EPHX2: variants seen among roughly 807,000 people sequenced by gnomAD.
EPHX2 encodes the protein bifunctional epoxide hydrolase 2.
Under a neutral mutation model 78.7 loss-of-function variants are expected in EPHX2, and 74 were observed. That is an observed-to-expected ratio of 0.94 (90% CI 0.78 to 1.14). The LOEUF is 1.14. EPHX2 is among the 50% of genes most tolerant of loss of function. EPHX2 has a pLI of 0.00. For synonymous variants in EPHX2, 251 were observed against 255.2 expected, an observed-to-expected ratio of 0.98 and a Z score of 0.16; for missense variants, 715 against 702.5, an observed-to-expected ratio of 1.02 and a Z score of -0.20.
At chr8:27,525,292 A>C in intron 11 of EPHX2, 70 bp from the exon 12 acceptor site, 1 of 1,433,796 alleles carries the variant, frequency 7.0e-7, no homozygotes, top group South Asian at 1.2e-5. Flanking sequence ...TTGAACTGCA[A>C]AGTCCTTTCT....
At chr8:27,523,474 T>C (rs1203661293) in intron 11 of EPHX2, among the ~76,000 whole-genome samples, 1 of 152,228 alleles carries the variant, frequency 6.6e-6, no homozygotes, top group African/African-American at 2.4e-5. Context: ...TTTCAGCCTC[T>C]GGTCTTAGCA....
intron 13 of EPHX2, 79 bp from the exon 14 acceptor site, chr8:27,538,579 GT>G: frequency 7.4e-7 from 1 of 1,345,036 alleles, no homozygotes; most frequent in Non-Finnish European, 1.0e-6. Flanking sequence ...GTCATTTGTC[GT>G]AACAGGGTTT....
At chr8:27,533,950 A>G (rs903508852) in intron 12 of EPHX2, among the ~76,000 whole-genome samples, 1 of 152,162 alleles carries the variant, frequency 6.6e-6, no homozygotes, top group Admixed American at 6.5e-5. Context: ...TTTGAGGCAA[A>G]GCCCTGTCCA....
At chr8:27,519,216 A>G (rs1327330531) in intron 9 of EPHX2, among the ~76,000 whole-genome samples, 2 of 152,242 alleles carry the variant, frequency 1.3e-5, no homozygotes, top group African/African-American at 4.8e-5. Flanking sequence ...GACAACCCAC[A>G]TGTCCATCAG....
intron 6 of EPHX2, 58 bp from the exon 7 acceptor site, chr8:27,515,660 G>T: frequency 1.4e-6 from 2 of 1,443,928 alleles, no homozygotes. Flanking sequence ...ACGCTGTGGG[G>T]CCTGGGTCCA....
At chr8:27,535,594 G>A (rs1304029394) in intron 12 of EPHX2, among the ~76,000 whole-genome samples, 1 of 152,084 alleles carries the variant, frequency 6.6e-6, no homozygotes, top group African/African-American at 2.4e-5. Context: ...TTCTGGAAAC[G>A]ACAGCTTGAA....
chr8:27,542,333 TG>T (rs1223222730), intron 16 of EPHX2, among the ~76,000 whole-genome samples: 1 of 152,164 alleles, frequency 6.6e-6, no homozygotes, highest in East Asian at 1.9e-4. Flanking sequence ...GTCTAATCCC[TG>T]TGTGACCCTG....
chr8:27,492,967 G>A (rs1813435237), intron 1 of EPHX2: 1 of 154,450 alleles, frequency 6.5e-6, no homozygotes, highest in African/African-American at 2.4e-5. Flanking sequence ...GGCAAAGAAG[G>A]GGCCCTGCCG....
chr8:27,539,456 G>A (rs1002117857), intron 14 of EPHX2, among the ~76,000 whole-genome samples: 34 of 152,174 alleles, frequency 2.2e-4, no homozygotes, highest in African/African-American at 5.3e-4. Context: ...TAACTTGTCC[G>A]AAGTGGCTGA....
chr8:27,541,431 T>C (rs1815396542), intron 15 of EPHX2, 42 bp from the exon 16 acceptor site: 1 of 1,603,254 alleles, frequency 6.2e-7, no homozygotes, highest in African/African-American at 1.3e-5. Context: ...CAGAGCCGTC[T>C]ACTTACTGCC....
At chr8:27,516,227 A>G in intron 7 of EPHX2, 93 bp from the exon 8 acceptor site, 3 of 1,267,682 alleles carry the variant, frequency 2.4e-6, no homozygotes, top group Non-Finnish European at 3.4e-6. Context: ...GGTTTGATCC[A>G]TTTACAGGAA....
intron 9 of EPHX2, among the ~76,000 whole-genome samples, chr8:27,519,787 A>C (rs1048864316): frequency 6.6e-6 from 1 of 152,140 alleles, no homozygotes; most frequent in South Asian, 2.1e-4. Flanking sequence ...CCAGCACTGA[A>C]GTGAGGGGCT....
chr8:27,546,825 A>G (rs999335339), downstream of EPHX2, among the ~76,000 whole-genome samples: 2 of 152,230 alleles, frequency 1.3e-5, no homozygotes, highest in African/African-American at 2.4e-5. Flanking sequence ...TCCCATTGCC[A>G]TAACGAACTA....
chr8:27,516,965 G>A (rs890880182), intron 8 of EPHX2, among the ~76,000 whole-genome samples: 1 of 142,620 alleles, frequency 7.0e-6, no homozygotes, highest in Admixed American at 7.2e-5. Flanking sequence ...TGTCACCCAG[G>A]CTAGAGTGCA....
intron 7 of EPHX2, 65 bp downstream of exon 7, chr8:27,515,878 C>T (rs569322860): frequency 2.7e-5 from 37 of 1,382,106 alleles, no homozygotes; most frequent in Middle Eastern, 1.8e-4. Flanking sequence ...TGGTGTGGTC[C>T]GACGTGGACT....
At chr8:27,504,589 C>G (rs368661187) in intron 3 of EPHX2, among the ~76,000 whole-genome samples, 11 of 152,258 alleles carry the variant, frequency 7.2e-5, no homozygotes, top group African/African-American at 2.4e-4. Context: ...CTTGTCTGAG[C>G]TTGTTTGCTG....
chr8:27,537,086 A>G (rs1393751713), intron 13 of EPHX2, among the ~76,000 whole-genome samples: 1 of 152,202 alleles, frequency 6.6e-6, no homozygotes, highest in East Asian at 1.9e-4. Flanking sequence ...TATTACCATT[A>G]CCATTTTAAC....
At chr8:27,513,835 T>C (rs2132740673) in intron 6 of EPHX2, among the ~76,000 whole-genome samples, 1 of 152,304 alleles carries the variant, frequency 6.6e-6, no homozygotes, top group South Asian at 2.1e-4. Flanking sequence ...CTAGGATCGT[T>C]TTTGATCAGA....
chr8:27,544,097 A>G, intron 17 of EPHX2, 89 bp from the exon 18 acceptor site: 10 of 1,477,586 alleles, frequency 6.8e-6, no homozygotes, highest in Non-Finnish European at 8.5e-6. Flanking sequence ...CGGGGAGCAG[A>G]GAGAAGGCGT....
Sources: allele counts gnomAD v4.1 joint callset (sites outside exome capture counted in the v4.1 genomes callset), GRCh38; gene constraint gnomAD v4.1.1; transcripts MANE v1.5; gene names NCBI Gene and HGNC (gene_info 2026-07-23, HGNC 2026-07-21).